The following MVB12A variants were observed in gnomAD, a reference collection of about 807,000 sequenced individuals.
The protein encoded by MVB12A is CIN85/CD2AP family binding protein.
MVB12A carries 30 observed loss-of-function variants against 34.3 expected under a neutral mutation model. The observed-to-expected ratio is 0.88, with a 90% confidence interval of 0.65 to 1.19. MVB12A has a LOEUF of 1.19. Ranked by LOEUF, MVB12A falls within the 50% of genes most tolerant of loss-of-function variation. MVB12A has a pLI of 0.00. For synonymous variants in MVB12A, 158 were observed against 158.9 expected, an observed-to-expected ratio of 0.99 and a Z score of 0.04; for missense variants, 355 against 369.2, an observed-to-expected ratio of 0.96 and a Z score of 0.31.
chr19:17,424,028 A>T lies in MVB12A; in HGVS notation c.663A>T (p.Thr221=), dbSNP rs767101894. 1 of 1,613,514 alleles carries T rather than the reference A, an allele frequency of 6.2e-7. No individual in the cohort carries two copies. Among genetic ancestry groups the T allele is most frequent in the East Asian group, 2.2e-5 (1 of 44,852 alleles). ...GISAMDGVPF[T]LHPRFEGKSC... The stretch of plus-strand genomic sequence containing the variant: ...CAGCCATGGATGGGGTTCCCTTCAC[A>T]CTCCACCCACGATTTGAGGGCAAGA... The change falls in exon 7 of 9, where the codon ACA becomes ACT. Residue 221 remains threonine, a synonymous_variant. Transcript: ENST00000317040.
upstream of MVB12A, chr19:17,419,450 C>T (rs2074821383): frequency 1.3e-5 from 2 of 152,194 alleles, no homozygotes; most frequent in African/African-American, 4.8e-5. Flanking sequence ...CGTATTGTGC[C>T]TGTGAACAAA....
At chr19:17,408,728 T>C (rs2074744405) in intron 2 of MVB12A, among the ~76,000 whole-genome samples, 1 of 151,206 alleles carries the variant, frequency 6.6e-6, no homozygotes, top group African/African-American at 2.4e-5. Flanking sequence ...ATTACAGGCG[T>C]GAGCCACTGC....
At chr19:17,409,884 G>A (rs955932433) in intron 2 of MVB12A, among the ~76,000 whole-genome samples, 1 of 151,452 alleles carries the variant, frequency 6.6e-6, no homozygotes, top group Non-Finnish European at 1.5e-5. Context: ...TCAGTCTCCT[G>A]AGTAGCTGGG....
chr19:17,422,465 C>T lies in MVB12A; in HGVS notation c.413+7C>T. 1 of 1,604,446 alleles carries T rather than the reference C, an allele frequency of 6.2e-7. No individual in the cohort carries two copies. Reference sequence around the variant, plus strand: ...CTGGATACCTTCGAATAGGGTAGGGCCACCCCCCAGTGTCTAGCCACCTTC... The same window carrying T: ...CTGGATACCTTCGAATAGGGTAGGGTCACCCCCCAGTGTCTAGCCACCTTC... On this transcript the variant is annotated splice_region_variant and intron_variant, in intron 4 of 8. Transcript: ENST00000317040.
intron 3 of MVB12A, 120 bp from the exon 4 acceptor site, chr19:17,422,212 C>A: frequency 1.2e-6 from 1 of 853,338 alleles, no homozygotes. Context: ...CCCCCATCCC[C>A]AATGTTGTCC....
upstream of MVB12A, chr19:17,419,544 T>C (rs1221157597): frequency 6.6e-6 from 1 of 152,236 alleles, no homozygotes; most frequent in Non-Finnish European, 1.5e-5. Flanking sequence ...ATCCCACAGA[T>C]GATTTCCTTT....
intron 2 of MVB12A, among the ~76,000 whole-genome samples, chr19:17,412,513 C>T (rs149258784): frequency 0.023 from 3,527 of 152,110 alleles, 49 homozygotes; most frequent in African/African-American, 0.035. Flanking sequence ...GTGTTCCACC[C>T]GCCTCAGCCT....
upstream of MVB12A, chr19:17,417,213 C>CTTTTTTTTTTTTTTTTTTTTT (rs35583565): frequency 2.1e-5 from 2 of 96,568 alleles, no homozygotes; most frequent in African/African-American, 9.2e-5. Context: ...TCACCCAGAG[C>CTTTTTTTTTTTTTTTTTTTTT]TTTTTTTTTT....
rs761983601 is a variant in MVB12A at position 17,424,912 on chromosome 19, C to G, written c.760-19C>G. The G allele has an allele frequency of 1.3e-6, 2 of 1,592,350 alleles. No individual in the cohort carries two copies. The highest frequency in any genetic ancestry group is 2.2e-5 in the East Asian group (1 of 44,470). On this transcript the variant is annotated intron_variant, in intron 8 of 8. Coordinates refer to ENST00000317040, the MANE Select transcript of MVB12A (RefSeq NM_138401.4). ...CTTTACTCTGGCACCTGTTCACTCT[C>G]TCTCTCCCCATCCCCCAGTATAACT...
chr19:17,408,431 TTTAATTAA>T (rs143044472), intron 2 of MVB12A, among the ~76,000 whole-genome samples: 1 of 148,690 alleles, frequency 6.7e-6, no homozygotes, highest in East Asian at 2.0e-4. Flanking sequence ...TTTATTTTGT[TTTAATTAA>T]TTAATTAATT....
In MVB12A at chr19:17,424,987, C is replaced by G. The variant is rs781216952; in HGVS notation, c.816C>G (p.Val272=). 7.5e-6 allele frequency: 12 copies of G among 1,605,764 alleles called. No individual in the cohort carries two copies. In the African/African-American group the frequency reaches 1.6e-4, roughly 21 times the overall value. ...CGGCTGCCCGCCTGCCCCCCAGCGT[C>G]TCATAGTCCCTCACCCTTCCGCGGA... ...KTAAARLPPS[V]S The change falls in exon 9 of 9, where the codon GTC becomes GTG. Residue 272 remains valine (V), a synonymous_variant. Transcript: ENST00000317040.
At position 17,410,541 on chromosome 19, in the gene MVB12A, T is replaced by TATATATACATAC. The variant is rs1555734718; in HGVS notation, c.-5+4252_-5+4253insCATACATATATA. On this transcript the variant is annotated intron_variant, in intron 2 of 6. Transcript: ENST00000528604. The stretch of plus-strand genomic sequence containing the variant: ...ATATATATATATATACACACACACA[T>TATATATACATAC]ATATATATACACACACATATATATA... 8.6e-3 allele frequency among the ~76,000 whole-genome samples: 851 copies of TATATATACATAC among 98,886 alleles called. 4 individuals carry two copies. The highest frequency in any genetic ancestry group is 0.019 in the African/African-American group (413 of 21,716). 64.9% of individuals were successfully genotyped at this position (98,886 alleles called of 152,430 possible).
chr19:17,413,611 G>A (rs182585863), intron 2 of MVB12A, among the ~76,000 whole-genome samples: 1 of 152,150 alleles, frequency 6.6e-6, no homozygotes, highest in East Asian at 1.9e-4. Flanking sequence ...TTGAGCCCAA[G>A]GGGTAGGAGG....
In MVB12A at chr19:17,425,203, CCCACGCCCTGCCGGGCA is replaced by C; in HGVS notation, c.*211_*227del. ...GCTGCGTGGTGATGGGGTCTCCGCC[CCCACGCCCTGCCGGGCA>C]GGGCTGGAGCTGGACAGAAGCCAGT... On this transcript the variant is annotated 3_prime_UTR_variant, in exon 9 of 9. Transcript: ENST00000317040. 1.9e-6 allele frequency: 1 copy of C among 530,214 alleles called. No homozygotes were observed. The highest frequency in any genetic ancestry group is 3.3e-6 in the Non-Finnish European group (1 of 301,118). 32.8% of individuals were successfully genotyped at this position (530,214 alleles called of 1,614,324 possible).
chr19:17,425,051 CA>C lies in MVB12A; in HGVS notation c.*59del. 3 of 847,120 alleles carry C rather than the reference CA, an allele frequency of 3.5e-6. No individual in the cohort carries two copies. Among genetic ancestry groups the C allele is most frequent in the African/African-American group, 1.8e-5 (1 of 56,054 alleles). 52.5% of individuals were successfully genotyped at this position (847,120 alleles called of 1,614,324 possible). On this transcript the variant is annotated 3_prime_UTR_variant, in exon 9 of 9. Coordinates refer to ENST00000317040, the MANE Select transcript of MVB12A (RefSeq NM_138401.4). The stretch of plus-strand genomic sequence containing the variant: ...CTCCACCTCCCCGCCAGCCTGGGGC[CA>C]CCCCCCCTCACTGCATCCTGGGGCC...
intron 2 of MVB12A, among the ~76,000 whole-genome samples, chr19:17,410,521 T>TACACACACACACACACACACAC (rs1465432705): frequency 3.1e-5 from 2 of 65,416 alleles, no homozygotes; most frequent in East Asian, 6.8e-4. Context: ...TATATATATA[T>TACACACACACACACACACACAC]ATATATATAC....
intron 2 of MVB12A, among the ~76,000 whole-genome samples, chr19:17,412,530 G>C (rs2074775821): frequency 6.6e-6 from 1 of 152,134 alleles, no homozygotes; most frequent in South Asian, 2.1e-4. Context: ...GCCTCCCAAA[G>C]TGCTGGGATT....
At chr19:17,423,273 C>T (rs113441511) in intron 4 of MVB12A, among the ~76,000 whole-genome samples, 1,664 of 149,728 alleles carry the variant, frequency 0.011, 14 homozygotes, top group African/African-American at 0.028. Context: ...GCAGGAGAAT[C>T]GTTTGAACCT....
Position 17,425,295 on chromosome 19 carries a change from G to C in MVB12A, c.*302G>C, listed in dbSNP as rs1433246377. ...CCCTCTGGGGTCCGGAGGCTGTGCG[G>C]GTGTCCTCCTGGCAATAAACACTAC... is the stretch of plus-strand genomic sequence containing the variant. On this transcript the variant is annotated 3_prime_UTR_variant, in exon 9 of 9. Transcript: ENST00000317040. 9.9e-6 allele frequency: 4 copies of C among 405,834 alleles called. No homozygotes were observed. The highest frequency in any genetic ancestry group is 1.8e-5 in the Non-Finnish European group (4 of 226,850). 25.1% of individuals were successfully genotyped at this position (405,834 alleles called of 1,614,324 possible).
Sources: allele counts gnomAD v4.1 joint callset (sites outside exome capture counted in the v4.1 genomes callset), GRCh38; gene constraint gnomAD v4.1.1; transcripts MANE v1.5; gene names NCBI Gene and HGNC (gene_info 2026-07-23, HGNC 2026-07-21).